Variants in TAF9B observed in about 807,000 individuals in gnomAD.
TAF9B encodes the protein TATA-box binding protein associated factor 9b.
Under a neutral mutation model 17.6 loss-of-function variants are expected in TAF9B, and 47 were observed. The observed-to-expected ratio is 2.68, with a 90% CI of 2.12 to 3.41. TAF9B has a LOEUF of 3.41. Ranked by LOEUF, TAF9B falls within the 30% of genes most tolerant of loss-of-function variation. The probability of loss-of-function intolerance (pLI) is 0.00; values close to 1 mark genes in which losing one functional copy is unlikely to be tolerated. For missense variants in TAF9B, 218 were observed against 189.3 expected (o/e 1.15, Z -0.89); for synonymous variants, 84 against 68.7 (o/e 1.22, Z -1.10).
At position 78,138,008 on chromosome X, in the gene TAF9B, A is replaced by G. The variant is rs782793081; in HGVS notation, c.224T>C (p.Ile75Thr). Residue 75 changes from isoleucine (I) to threonine (T), a missense_variant, in exon 3 of 7, where the codon ATC (isoleucine) becomes ACC (threonine). Coordinates refer to ENST00000341864, the MANE Select transcript of TAF9B (RefSeq NM_015975.5). ...NVDADDVRLAIQCRADQSFTS... is the reference protein window; with the variant it reads ...NVDADDVRLATQCRADQSFTS... ...AAAAGATTGGTCAGCACGACACTGGATTGCCAGTCTCACATCATCTGCATC... is the reference window on the plus strand; with the variant it reads ...AAAAGATTGGTCAGCACGACACTGGGTTGCCAGTCTCACATCATCTGCATC... 2.2e-5 allele frequency: 26 copies of G among 1,208,479 alleles called. No homozygotes were observed. Among genetic ancestry groups the G allele is most frequent in the Non-Finnish European group, 3.4e-6 (3 of 894,333 alleles).
chrX:78,131,964 CTTTATT>C (rs1386821557), intron 6 of TAF9B, among the ~76,000 whole-genome samples, 191 bp from the exon 7 acceptor site: 6 of 112,156 alleles, frequency 5.3e-5, no homozygotes, highest in East Asian at 2.8e-4. Flanking sequence ...TTTAAAAAAT[CTTTATT>C]TTTAATTGGC....
chrX:78,135,493 G>A (rs1278326205), intron 5 of TAF9B, among the ~76,000 whole-genome samples: 1 of 108,725 alleles, frequency 9.2e-6, no homozygotes, highest in African/African-American at 3.3e-5. Context: ...TACTCGGGAG[G>A]CTGAGGCAGG....
Position 78,131,487 on chromosome X carries a change from G to A in TAF9B, c.*123C>T. 3.3e-6 allele frequency: 2 copies of A among 608,025 alleles called. No individual in the cohort carries two copies. Among genetic ancestry groups the A allele is most frequent in the African/African-American group, 2.2e-5 (1 of 44,587 alleles). The allele number at this position is 608,025 out of a possible 1,213,427, so 50.1% of individuals were successfully genotyped here. On this transcript the variant is annotated 3_prime_UTR_variant, in exon 7 of 7. Coordinates refer to ENST00000341864, the MANE Select transcript of TAF9B (RefSeq NM_015975.5). The stretch of plus-strand genomic sequence containing the variant: ...AAGAGATCTAACAGTTTTAACTGAC[G>A]AAAAATACTGCAGCTACATTTCAGT...
At position 78,130,208 on chromosome X, in the gene TAF9B, TTC is replaced by T. The variant is rs1279370747; in HGVS notation, c.*1400_*1401del. 3.6e-5 allele frequency: 4 copies of T among 112,343 alleles called. No individual in the cohort carries two copies. The highest frequency in any genetic ancestry group is 1.3e-4 in the African/African-American group (4 of 30,916). The allele number at this position is 112,343 out of a possible 1,213,427, so 9.3% of individuals were successfully genotyped here. Reference sequence around the variant, plus strand: ...ATCAAACACTATCCTAAGATGAAACTTCTGTTTTGAGGATCCTTGGCTATAAA... The same window carrying T: ...ATCAAACACTATCCTAAGATGAAACTTGTTTTGAGGATCCTTGGCTATAAA... On this transcript the variant is annotated 3_prime_UTR_variant, in exon 7 of 7. Coordinates refer to ENST00000341864, the MANE Select transcript of TAF9B (RefSeq NM_015975.5).
intron 5 of TAF9B, 139 bp downstream of exon 5, chrX:78,136,776 C>T: frequency 5.1e-6 from 2 of 394,216 alleles, no homozygotes; most frequent in Non-Finnish European, 4.5e-6. Flanking sequence ...TATAGCTTTA[C>T]TAGAGGATGA....
At chrX:78,136,728 G>C (rs1437029504) in intron 5 of TAF9B, among the ~76,000 whole-genome samples, 187 bp downstream of exon 5, 1 of 112,262 alleles carries the variant, frequency 8.9e-6, no homozygotes, top group East Asian at 2.8e-4. Context: ...GACGTTCCTT[G>C]TGGCTTTCTC....
At chrX:78,135,370 A>G (rs1166585651) in intron 5 of TAF9B, among the ~76,000 whole-genome samples, 2 of 102,124 alleles carry the variant, frequency 2.0e-5, no homozygotes, top group African/African-American at 7.1e-5. Flanking sequence ...TGAGGTCAGG[A>G]GTTCAAGACC....
At position 78,130,644 on chromosome X, in the gene TAF9B, G is replaced by GT. The variant is rs1309757855; in HGVS notation, c.*965dup. On this transcript the variant is annotated 3_prime_UTR_variant, in exon 7 of 7. Coordinates refer to ENST00000341864, the MANE Select transcript of TAF9B (RefSeq NM_015975.5). Reference sequence around the variant, plus strand: ...AAAAAGGAACACTTGTTCTTCAGTGGTTTTGCCTAGGTCCAGTGTAATTAC... The same window carrying GT: ...AAAAAGGAACACTTGTTCTTCAGTGGTTTTTGCCTAGGTCCAGTGTAATTAC... 26 of 112,616 alleles carry GT rather than the reference G, an allele frequency of 2.3e-4. No homozygotes were observed. Among genetic ancestry groups the GT allele is most frequent in the Admixed American group, 1.1e-3 (12 of 10,577 alleles). 9.3% of individuals were successfully genotyped at this position (112,616 alleles called of 1,213,427 possible).
chrX:78,139,232 GT>G (rs1478082427), intron 1 of TAF9B, among the ~76,000 whole-genome samples: 3 of 111,724 alleles, frequency 2.7e-5, no homozygotes, highest in African/African-American at 9.8e-5. Flanking sequence ...GTGGCGGCGG[GT>G]TAAGGTAGCA....
At chrX:78,133,136 G>A (rs1162072141) in intron 6 of TAF9B, among the ~76,000 whole-genome samples, 2 of 111,747 alleles carry the variant, frequency 1.8e-5, no homozygotes, top group Admixed American at 1.9e-4. Context: ...AATCCCTCAA[G>A]GATAAGGGGG....
intron 2 of TAF9B, 134 bp downstream of exon 2, chrX:78,138,709 C>T (rs1338278271): frequency 5.8e-6 from 3 of 516,919 alleles, no homozygotes; most frequent in East Asian, 4.1e-5. Context: ...GAGCCAAGAT[C>T]GCGCCACTGC....
At chrX:78,138,128 C>T (rs979179220) in intron 2 of TAF9B, 30 bp from the exon 3 acceptor site, 17 of 1,132,635 alleles carry the variant, frequency 1.5e-5, no homozygotes, top group Non-Finnish European at 2.0e-5. Flanking sequence ...TTTTCTTAAA[C>T]ATATGAAGAC....
rs1569551051 is a variant in TAF9B, at chrX:78,137,886, T to C, written c.271-3A>G. ...TGCCTTGCGATATCCAGTAAAAACT[T>C]AAAAAAAAAATCCTTATTAGAACTA... On this transcript the variant is annotated splice_polypyrimidine_tract_variant and splice_region_variant and intron_variant, in intron 3 of 6. Transcript: ENST00000341864. 8.7e-7 allele frequency: 1 copy of C among 1,147,339 alleles called. No individual in the cohort carries two copies. The highest frequency in any genetic ancestry group is 3.1e-5 in the East Asian group (1 of 32,160). The allele number at this position is 1,147,339 out of a possible 1,213,427, so 94.6% of individuals were successfully genotyped here.
chrX:78,131,453 T>C lies in TAF9B; in HGVS notation c.*157A>G. On this transcript the variant is annotated 3_prime_UTR_variant, in exon 7 of 7. Transcript: ENST00000341864. ...AAGCCTACTGAAAAACACATTTGTA[T>C]GTTTACTAAAGAGATCTAACAGTTT... 4.9e-6 allele frequency: 2 copies of C among 405,756 alleles called. No individual in the cohort carries two copies. The highest frequency in any genetic ancestry group is 4.2e-6 in the Non-Finnish European group (1 of 240,902). 33.4% of individuals were successfully genotyped at this position (405,756 alleles called of 1,213,427 possible).
In TAF9B at chrX:78,139,604, G is replaced by A. The variant is rs782131212; in HGVS notation, c.8C>T (p.Ser3Leu). 37 of 1,210,351 alleles carry A rather than the reference G, an allele frequency of 3.1e-5. No individual in the cohort carries two copies. The highest frequency in any genetic ancestry group is 3.8e-5 in the Non-Finnish European group (34 of 895,047). Reference protein sequence around the residue: MESGKMAPPKNAP... With the variant: MELGKMAPPKNAP... ...GTTCTTGGGAGGCGCCATCTTGCCC[G>A]ACTCCATGTTATCCAGCCACTCGTC... The change falls in exon 1 of 7, where the codon TCG becomes TTG. Residue 3 changes from serine to leucine, a missense_variant. By Grantham distance (145) the Ser-to-Leu change is moderately radical. Coordinates refer to ENST00000341864, the MANE Select transcript of TAF9B (RefSeq NM_015975.5).
chrX:78,133,546 C>A, intron 5 of TAF9B, 98 bp from the exon 6 acceptor site: 1 of 607,333 alleles, frequency 1.6e-6, no homozygotes, highest in Non-Finnish European at 2.7e-6. Context: ...GCAAAGGAAA[C>A]TAATAAAAGG....
chrX:78,135,556 T>C (rs186411401), intron 5 of TAF9B, among the ~76,000 whole-genome samples: 27 of 110,521 alleles, frequency 2.4e-4, no homozygotes, highest in African/African-American at 7.9e-4. Context: ...GATTGTGCCA[T>C]TGCACTCCAG....
Position 78,129,958 on chromosome X carries a change from G to GC in TAF9B, c.*1651dup, listed in dbSNP as rs2078402136. The GC allele has an allele frequency of 1.8e-5, 2 of 112,211 alleles. No homozygotes were observed. Among genetic ancestry groups the GC allele is most frequent in the Non-Finnish European group, 3.8e-5 (2 of 53,205 alleles). 9.2% of individuals were successfully genotyped at this position (112,211 alleles called of 1,213,427 possible). A position where few individuals can be genotyped will look rare whatever the true frequency, so the allele number is the denominator to read the frequency against. ...GGTCACACAGTTGGTAAATGATGGA[G>GC]CTAGGACTAGAACCTAGGCCTTCTG... On this transcript the variant is annotated 3_prime_UTR_variant, in exon 7 of 7. Transcript: ENST00000341864.
intron 2 of TAF9B, among the ~76,000 whole-genome samples, chrX:78,138,314 A>G (rs45614042): frequency 1.8e-5 from 2 of 112,373 alleles, no homozygotes; most frequent in Non-Finnish European, 3.8e-5. Context: ...TACTGTGCTC[A>G]GCCTAAATGC....
Sources: allele counts gnomAD v4.1 joint callset (sites outside exome capture counted in the v4.1 genomes callset), GRCh38; gene constraint gnomAD v4.1.1; transcripts MANE v1.5; gene names NCBI Gene and HGNC (gene_info 2026-07-23, HGNC 2026-07-21).